Variants in PDZD2 observed in about 807,000 individuals in gnomAD.
PDZD2 encodes PDZ domain-containing protein 2.
In PDZD2, 90 loss-of-function variants were observed where a neutral mutation model predicts 220.7. That is an observed-to-expected ratio of 0.41 (90% CI 0.34 to 0.49). The LOEUF (loss-of-function observed/expected upper bound fraction) is 0.49, where lower values mean the gene tolerates loss of function less well. Among genes scored for constraint, PDZD2 ranks in the 20% least tolerant of loss-of-function variants. PDZD2 has a pLI of 0.28. For synonymous variants in PDZD2, 1,375 were observed against 1,450.5 expected (o/e 0.95, Z 1.18); for missense variants, 3,174 against 3,608.5 (o/e 0.88, Z 3.08).
In PDZD2 at chr5:31,995,670, C is replaced by A; in HGVS notation, c.1073C>A (p.Pro358His). 6.2e-7 allele frequency: 1 copy of A among 1,614,098 alleles called. No individual in the cohort carries two copies. Residue 358 changes from proline to histidine, a missense_variant, in exon 4 of 25, where the codon CCT (proline) becomes CAT (histidine). Physicochemically the swap from Pro to His is moderately conservative, Grantham distance 77. Coordinates refer to ENST00000438447, the MANE Select transcript of PDZD2 (RefSeq NM_178140.4). The stretch of plus-strand genomic sequence containing the variant: ...GGAGGCCGAGGATCAAAGCGCTCAC[C>A]TCACGCTATCGTTGTCACTCAAGTG... The part of the protein sequence containing the change: ...VSGGRGSKRS[P>H]HAIVVTQVKE...
At chr5:31,836,479 C>T (rs1756948467) in intron 2 of PDZD2, among the ~76,000 whole-genome samples, 1 of 152,002 alleles carries the variant, frequency 6.6e-6, no homozygotes, top group African/African-American at 2.4e-5. Flanking sequence ...CCACCTGCCT[C>T]GGCCTCCCAA....
chr5:31,693,677 A>C (rs1336205081), intron 1 of PDZD2, among the ~76,000 whole-genome samples: 1 of 152,188 alleles, frequency 6.6e-6, no homozygotes, highest in Non-Finnish European at 1.5e-5. Context: ...ATCAGCTTGA[A>C]GCCAGGAGTT....
At chr5:31,712,608 CA>C (rs1236647795) in intron 1 of PDZD2, among the ~76,000 whole-genome samples, 25 of 152,256 alleles carry the variant, frequency 1.6e-4, no homozygotes, top group African/African-American at 5.5e-4. Context: ...AGAGAGTAAG[CA>C]AAGCTGCTAA....
intron 1 of PDZD2, among the ~76,000 whole-genome samples, chr5:31,694,359 T>C (rs1297244354): frequency 6.6e-6 from 1 of 152,084 alleles, no homozygotes; most frequent in East Asian, 1.9e-4. Flanking sequence ...GTCACTGTAC[T>C]GTAGCCTGGG....
chr5:31,917,796 G>T (rs756378305), intron 2 of PDZD2, among the ~76,000 whole-genome samples: 2 of 152,170 alleles, frequency 1.3e-5, no homozygotes, highest in African/African-American at 4.8e-5. Flanking sequence ...AGGCTGGAGT[G>T]CAATGGCGCG....
chr5:31,996,974 A>G (rs1331694731), intron 4 of PDZD2, among the ~76,000 whole-genome samples: 2 of 152,240 alleles, frequency 1.3e-5, no homozygotes, highest in African/African-American at 4.8e-5. Flanking sequence ...TGTGCAAAAC[A>G]GTTTATTTTG....
intron 2 of PDZD2, among the ~76,000 whole-genome samples, chr5:31,957,091 CTA>C (rs1190198707): frequency 1.3e-5 from 2 of 152,122 alleles, no homozygotes; most frequent in Admixed American, 1.3e-4. Flanking sequence ...TTCTGATTCT[CTA>C]TGTTCTCAAG....
At chr5:31,894,016 T>C (rs1741302368) in intron 2 of PDZD2, among the ~76,000 whole-genome samples, 1 of 149,450 alleles carries the variant, frequency 6.7e-6, no homozygotes, top group African/African-American at 2.5e-5. Context: ...TGCCTCACCT[T>C]CCCGAGTAGC....
Position 32,000,025 on chromosome 5 carries a change from T to C in PDZD2, c.1122-114T>C. The stretch of plus-strand genomic sequence containing the variant: ...TGCCTCTGGCCATCACAGTATCCTC[T>C]TTAGCCCAATCTTAACCGTCCCTCC... On this transcript the variant is annotated intron_variant, in intron 4 of 24. Transcript: ENST00000438447. The surrounding 1 kb of genome is among the most constrained non-coding windows in gnomAD (Gnocchi z 4.5). The C allele has an allele frequency of 4.7e-6, 4 of 846,416 alleles. No individual in the cohort carries two copies. The highest frequency in any genetic ancestry group is 7.6e-6 in the Non-Finnish European group (4 of 526,388). 52.4% of individuals were successfully genotyped at this position (846,416 alleles called of 1,614,324 possible).
At position 31,926,545 on chromosome 5, in the gene PDZD2, AG is replaced by A. The variant is rs1167971625; in HGVS notation, c.477-56609del. Among the ~76,000 whole-genome samples the A allele has an allele frequency of 2.5e-4, 38 of 151,040 alleles. No individual in the cohort carries two copies. The South Asian group carries it at 2.9e-3, about 12-fold the overall frequency. On this transcript the variant is annotated intron_variant, in intron 2 of 24. Transcript: ENST00000438447. The stretch of plus-strand genomic sequence containing the variant: ...GCATCTGAAAAAAAAAAAAAAAAAA[AG>A]AAAATTAAAAGCTAAAAAATAACAG...
intron 1 of PDZD2, among the ~76,000 whole-genome samples, chr5:31,777,162 C>T (rs1038987466): frequency 3.2e-4 from 48 of 152,272 alleles, no homozygotes; most frequent in Non-Finnish European, 5.0e-4. Flanking sequence ...GCGTGAGTTC[C>T]GGGTGGGCAC....
At chr5:31,650,792 G>A (rs1312917540) in intron 1 of PDZD2, among the ~76,000 whole-genome samples, 1 of 152,202 alleles carries the variant, frequency 6.6e-6, no homozygotes, top group East Asian at 1.9e-4. Context: ...TCCTCCTGAT[G>A]TTCCTTACAC....
chr5:31,703,918 TTC>T (rs960547358), intron 1 of PDZD2, among the ~76,000 whole-genome samples: 21 of 151,684 alleles, frequency 1.4e-4, no homozygotes, highest in African/African-American at 3.9e-4. Flanking sequence ...TCTTTCCTTT[TTC>T]TCTCTCTCTC....
In PDZD2 at chr5:31,786,188, G is replaced by A. The variant is rs565049706; in HGVS notation, c.-360-12701G>A. Among the ~76,000 whole-genome samples the A allele has an allele frequency of 1.8e-3, 268 of 152,188 alleles. 2 individuals carry two copies. The highest frequency in any genetic ancestry group is 6.8e-3 in the Middle Eastern group (2 of 294). On this transcript the variant is annotated intron_variant, in intron 1 of 24. Coordinates refer to ENST00000438447, the MANE Select transcript of PDZD2 (RefSeq NM_178140.4). Reference sequence around the variant, plus strand: ...AACCTTTGTGCTCCGTGATCTTTTGGTTTCCTCTGAGAATTCATTCTCTGC... The same window carrying A: ...AACCTTTGTGCTCCGTGATCTTTTGATTTCCTCTGAGAATTCATTCTCTGC...
At chr5:31,899,179 C>T (rs561501997) in intron 2 of PDZD2, among the ~76,000 whole-genome samples, 1 of 151,890 alleles carries the variant, frequency 6.6e-6, no homozygotes, top group South Asian at 2.1e-4. Flanking sequence ...CAGGCTGGAG[C>T]GCAGTGGCAT....
At chr5:31,809,800 G>A (rs1222173215) in intron 2 of PDZD2, among the ~76,000 whole-genome samples, 1 of 152,168 alleles carries the variant, frequency 6.6e-6, no homozygotes, top group East Asian at 1.9e-4. Context: ...TCCATAAAAA[G>A]AGCGACTTTC....
chr5:31,816,181 G>A (rs1463738475), intron 2 of PDZD2, among the ~76,000 whole-genome samples: 8 of 151,548 alleles, frequency 5.3e-5, no homozygotes, highest in Non-Finnish European at 1.0e-4. Flanking sequence ...CCAGCTACTC[G>A]GGAGGCTGAG....
At chr5:31,667,231 G>A (rs532482972) in intron 1 of PDZD2, among the ~76,000 whole-genome samples, 11 of 49,664 alleles carry the variant, frequency 2.2e-4, no homozygotes, top group Admixed American at 1.2e-3. Flanking sequence ...GCAAGACTCC[G>A]TCTCAAAAAA....
At chr5:31,891,127 CTTTTTTTTTT>C (rs869189606) in intron 2 of PDZD2, among the ~76,000 whole-genome samples, 4 of 96,432 alleles carry the variant, frequency 4.1e-5, no homozygotes, top group Non-Finnish European at 7.7e-5. Flanking sequence ...GGGGTTTTTC[CTTTTTTTTTT>C]TTTTTTTTTT....
Sources: allele counts gnomAD v4.1 joint callset (sites outside exome capture counted in the v4.1 genomes callset), GRCh38; gene constraint gnomAD v4.1.1; non-coding constraint Gnocchi (gnomAD v3.1); transcripts MANE v1.5; gene names NCBI Gene and HGNC (gene_info 2026-07-23, HGNC 2026-07-21).